SNX24: variants seen among roughly 807,000 people sequenced by gnomAD.
SNX24 encodes sorting nexin-24.
In SNX24, 22 loss-of-function variants were observed where a neutral mutation model predicts 28.7. The observed-to-expected ratio is 0.77, with a 90% CI of 0.55 to 1.10. SNX24 has a LOEUF of 1.10. Ranked by LOEUF, SNX24 falls within the 50% of genes least tolerant of loss-of-function variation. The probability of loss-of-function intolerance (pLI) is 0.00; values close to 1 mark genes in which losing one functional copy is unlikely to be tolerated. For synonymous variants in SNX24, 69 were observed against 71.5 expected (o/e 0.96, Z 0.18); for missense variants, 221 against 201.1 (o/e 1.10, Z -0.60).
At chr5:122,976,705 A>G (rs1225595896) in intron 3 of SNX24, among the ~76,000 whole-genome samples, 1 of 152,256 alleles carries the variant, frequency 6.6e-6, no homozygotes, top group African/African-American at 2.4e-5. Context: ...AGTCCCCGTG[A>G]TTGAGCAAAG....
chr5:122,948,918 T>A (rs1437021053), intron 3 of SNX24, among the ~76,000 whole-genome samples: 1 of 152,188 alleles, frequency 6.6e-6, no homozygotes, highest in Non-Finnish European at 1.5e-5. Flanking sequence ...GACCTGATAA[T>A]CATAAACTAT....
At chr5:122,887,041 C>A (rs886990225) in intron 1 of SNX24, among the ~76,000 whole-genome samples, 11 of 152,060 alleles carry the variant, frequency 7.2e-5, no homozygotes, top group Admixed American at 7.2e-4. Context: ...CCCATTGTTT[C>A]CCTCTGGGCT....
intron 5 of SNX24, among the ~76,000 whole-genome samples, chr5:123,021,791 G>A (rs183374428): frequency 2.0e-5 from 3 of 152,034 alleles, no homozygotes; most frequent in Admixed American, 1.3e-4. Context: ...CCCCTATCCC[G>A]CTCCCCTTTC....
chr5:122,937,671 A>G (rs1459342102), intron 2 of SNX24, among the ~76,000 whole-genome samples: 2 of 152,120 alleles, frequency 1.3e-5, no homozygotes, highest in African/African-American at 4.8e-5. Flanking sequence ...GGGGAGCTCT[A>G]AGTTATTGGT....
intron 3 of SNX24, among the ~76,000 whole-genome samples, chr5:122,991,642 G>A (rs1010466586): frequency 2.0e-5 from 3 of 152,036 alleles, no homozygotes; most frequent in Non-Finnish European, 4.4e-5. Context: ...TGTATTTTTA[G>A]TAGAGATGGG....
chr5:122,906,823 T>C (rs1353430768), intron 1 of SNX24, among the ~76,000 whole-genome samples: 1 of 152,174 alleles, frequency 6.6e-6, no homozygotes, highest in Admixed American at 6.5e-5. Flanking sequence ...TGTTTCTTTT[T>C]ACAGTTGAGA....
chr5:122,970,401 C>T (rs1198727435), intron 3 of SNX24, among the ~76,000 whole-genome samples: 1 of 152,076 alleles, frequency 6.6e-6, no homozygotes, highest in Non-Finnish European at 1.5e-5. Context: ...GAAAACCTTT[C>T]GTGGCTCCTT....
chr5:122,948,863 C>G (rs1759809767), intron 3 of SNX24, among the ~76,000 whole-genome samples: 1 of 152,160 alleles, frequency 6.6e-6, no homozygotes, highest in African/African-American at 2.4e-5. Flanking sequence ...AATTTTTCAA[C>G]TTTGACATAT....
At position 122,886,434 on chromosome 5, in the gene SNX24, C is replaced by T. The variant is rs149021255; in HGVS notation, c.60+40741C>T. On this transcript the variant is annotated intron_variant, in intron 1 of 6. Coordinates refer to ENST00000261369, the MANE Select transcript of SNX24 (RefSeq NM_014035.4). ...TATCTGTCTTTTCCATGTATCTTGC[C>T]AGCCACTCTGGAAGCGATACATTTT... Among the ~76,000 whole-genome samples, 1,288 of 152,158 alleles carry T rather than the reference C, an allele frequency of 8.5e-3. 10 individuals are homozygous for T. Among genetic ancestry groups the T allele is most frequent in the East Asian group, 0.059 (306 of 5,178 alleles).
chr5:122,898,283 T>TA (rs1169314748), intron 1 of SNX24, among the ~76,000 whole-genome samples: 1 of 152,240 alleles, frequency 6.6e-6, no homozygotes, highest in African/African-American at 2.4e-5. Context: ...ATACACGTAA[T>TA]AAAAATGAAG....
At chr5:122,910,738 G>T (rs545725467) in intron 1 of SNX24, among the ~76,000 whole-genome samples, 44 of 150,516 alleles carry the variant, frequency 2.9e-4, no homozygotes, top group Middle Eastern at 3.4e-3. Context: ...TTGTCCTTGC[G>T]ATAGTTTACT....
At chr5:122,987,026 C>T (rs1352865832) in intron 3 of SNX24, among the ~76,000 whole-genome samples, 8 of 151,978 alleles carry the variant, frequency 5.3e-5, no homozygotes, top group African/African-American at 1.5e-4. Context: ...ACGTTTTCTC[C>T]GCTATAGCAG....
rs572533311 is a variant in SNX24 at position 122,845,713 on chromosome 5, G to C, written c.60+20G>C. ...TACACGGTAGGCGCGGGCCGCGGGC[G>C]GACAGGGCCCCGCGAGCCAGGCCTG... is the stretch of plus-strand genomic sequence containing the variant. On this transcript the variant is annotated intron_variant, in intron 1 of 6. Coordinates refer to ENST00000261369, the MANE Select transcript of SNX24 (RefSeq NM_014035.4). 1.5e-6 allele frequency: 2 copies of C among 1,351,706 alleles called. No homozygotes were observed. Among genetic ancestry groups the C allele is most frequent in the African/African-American group, 1.5e-5 (1 of 66,804 alleles). 83.7% of individuals were successfully genotyped at this position (1,351,706 alleles called of 1,614,324 possible). A position where few individuals can be genotyped will look rare whatever the true frequency, so the allele number is the denominator to read the frequency against.
chr5:122,944,305 A>C (rs1759584675), intron 2 of SNX24, among the ~76,000 whole-genome samples: 1 of 152,180 alleles, frequency 6.6e-6, no homozygotes, highest in Admixed American at 6.5e-5. Flanking sequence ...TTAGGAAAGC[A>C]AGAGCCCTAC....
intron 3 of SNX24, among the ~76,000 whole-genome samples, chr5:122,952,410 A>G (rs1025713794): frequency 1.1e-4 from 16 of 152,216 alleles, no homozygotes; most frequent in Admixed American, 9.8e-4. Flanking sequence ...TAATGTGGAT[A>G]GTAGGGCCCC....
rs891283882 is a variant in SNX24, at chr5:122,891,247, T to G, written c.61-45487T>G. The G allele has an allele frequency of 7.2e-6, 7 of 975,786 alleles. No individual in the cohort carries two copies. The South Asian group carries it at 2.1e-4, about 30-fold the overall frequency. The allele number at this position is 975,786 out of a possible 1,614,324, so 60.4% of individuals were successfully genotyped here. On this transcript the variant is annotated intron_variant, in intron 1 of 6. Transcript: ENST00000261369. ...TTGACTTTAAAGTGCCTATTTATTC[T>G]AATATCAATGTATTCTATTTTAAAA...
At chr5:122,970,889 G>A (rs1760930969) in intron 3 of SNX24, among the ~76,000 whole-genome samples, 1 of 152,110 alleles carries the variant, frequency 6.6e-6, no homozygotes, top group African/African-American at 2.4e-5. Flanking sequence ...GTTTGCCAAG[G>A]CACCCCACAG....
In SNX24 at chr5:122,880,438, A is replaced by C. The variant is rs370360536; in HGVS notation, c.60+34745A>C. Among the ~76,000 whole-genome samples, 22 of 152,316 alleles carry C rather than the reference A, an allele frequency of 1.4e-4. 1 individual carries two copies. Among genetic ancestry groups the C allele is most frequent in the African/African-American group, 5.1e-4 (21 of 41,570 alleles). ...CCCACATGCCCTTTATCTGTTAGTC[A>C]ATGCCCCATTTTTCAAATGAGCTTT... is the stretch of plus-strand genomic sequence containing the variant. On this transcript the variant is annotated intron_variant, in intron 1 of 6. Coordinates refer to ENST00000261369, the MANE Select transcript of SNX24 (RefSeq NM_014035.4).
At chr5:122,893,917 G>C (rs1412528407) in intron 1 of SNX24, among the ~76,000 whole-genome samples, 1 of 152,058 alleles carries the variant, frequency 6.6e-6, no homozygotes, top group East Asian at 1.9e-4. Flanking sequence ...CTTGGTGATG[G>C]GTGCTTTGTA....
Sources: allele counts gnomAD v4.1 joint callset (sites outside exome capture counted in the v4.1 genomes callset), GRCh38; gene constraint gnomAD v4.1.1; transcripts MANE v1.5; gene names NCBI Gene and HGNC (gene_info 2026-07-23, HGNC 2026-07-21).